MALRD1: variants seen among roughly 807,000 people sequenced by gnomAD.
The protein encoded by MALRD1 is MAM and LDL receptor class A domain containing 1, also known as MAM and LDL-receptor class A domain-containing protein 1.
A neutral mutation model predicts 242.1 loss-of-function variants in MALRD1; 247 were observed. That is an observed-to-expected ratio of 1.02 (90% CI 0.92 to 1.13). The LOEUF (loss-of-function observed/expected upper bound fraction) is 1.13, where lower values mean the gene tolerates loss of function less well. Among genes scored for constraint, MALRD1 ranks in the 50% most tolerant of loss-of-function variants. The probability of loss-of-function intolerance (pLI) is 0.00; values close to 1 mark genes in which losing one functional copy is unlikely to be tolerated. For synonymous variants in MALRD1, 995 were observed against 866.6 expected, an observed-to-expected ratio of 1.15 and a Z score of -2.60; for missense variants, 2,989 against 2,533.1, an observed-to-expected ratio of 1.18 and a Z score of -3.86.
At chr10:19,115,262 G>C (rs185623837) in intron 5 of MALRD1, among the ~76,000 whole-genome samples, 1 of 152,034 alleles carries the variant, frequency 6.6e-6, no homozygotes, top group South Asian at 2.1e-4. Context: ...CCTGACTGAC[G>C]CTGGGACTTT....
chr10:19,120,082 C>T (rs867689379), intron 5 of MALRD1, among the ~76,000 whole-genome samples: 7 of 151,972 alleles, frequency 4.6e-5, no homozygotes, highest in South Asian at 2.1e-4. Flanking sequence ...GAGTCACCAG[C>T]ATTTAGGAAA....
intron 33 of MALRD1, among the ~76,000 whole-genome samples, chr10:19,580,604 A>C (rs1321389166): frequency 6.6e-6 from 1 of 152,154 alleles, no homozygotes; most frequent in East Asian, 1.9e-4. Context: ...CAAATCACGT[A>C]TACATACATA....
At chr10:19,582,504 G>C (rs11010561) in intron 33 of MALRD1, among the ~76,000 whole-genome samples, 22,653 of 110,106 alleles carry the variant, frequency 0.21, 2,464 homozygotes, top group Non-Finnish European at 0.28. Flanking sequence ...GCTTGTTTTT[G>C]TCAGGTTTGT....
chr10:19,335,388 C>G (rs1406244075), intron 24 of MALRD1, among the ~76,000 whole-genome samples: 1 of 151,890 alleles, frequency 6.6e-6, no homozygotes, highest in Non-Finnish European at 1.5e-5. Context: ...CATAGCATTG[C>G]TAATTTTTTT....
At chr10:19,562,297 G>GTAGATAGACAGATAGATAGA (rs1554800905) in intron 32 of MALRD1, among the ~76,000 whole-genome samples, 1 of 144,650 alleles carries the variant, frequency 6.9e-6, no homozygotes, top group African/African-American at 2.6e-5. Context: ...GCTGTCTTAG[G>GTAGATAGACAGATAGATAGA]TAGATAGATA....
At chr10:19,315,647 TATAA>T (rs1842666170) in intron 21 of MALRD1, among the ~76,000 whole-genome samples, 1 of 126,096 alleles carries the variant, frequency 7.9e-6, no homozygotes, top group Non-Finnish European at 1.6e-5. Context: ...TATATAAATA[TATAA>T]ATATTATTTA....
intron 26 of MALRD1, among the ~76,000 whole-genome samples, chr10:19,370,364 C>A (rs1459110737): frequency 6.6e-6 from 1 of 152,028 alleles, no homozygotes; most frequent in Non-Finnish European, 1.5e-5. Context: ...CATGATATAT[C>A]TCTTCAATTG....
At chr10:19,302,714 A>G (rs1168907268) in intron 21 of MALRD1, among the ~76,000 whole-genome samples, 4 of 151,744 alleles carry the variant, frequency 2.6e-5, no homozygotes, top group Non-Finnish European at 4.4e-5. Flanking sequence ...AAAATTCTCT[A>G]CGTTGTATAC....
chr10:19,413,941 ACTCTGT>A (rs2130893294), intron 28 of MALRD1, among the ~76,000 whole-genome samples: 1 of 148,164 alleles, frequency 6.7e-6, no homozygotes, highest in East Asian at 2.0e-4. Flanking sequence ...ACAGAGTGAG[ACTCTGT>A]CTCAAAAAAA....
chr10:19,725,279 A>G (rs1415588854), intron 38 of MALRD1, among the ~76,000 whole-genome samples: 2 of 152,170 alleles, frequency 1.3e-5, no homozygotes, highest in Non-Finnish European at 2.9e-5. Flanking sequence ...GGTTACCCTC[A>G]TGCTGCTATT....
chr10:19,171,938 T>C lies in MALRD1; in HGVS notation c.1831-3270T>C, dbSNP rs182468687. Among the ~76,000 whole-genome samples, 689 of 132,914 alleles carry C rather than the reference T, an allele frequency of 5.2e-3. 12 individuals are homozygous for C. Among genetic ancestry groups the C allele is most frequent in the African/African-American group, 0.018 (659 of 36,240 alleles). The allele number at this position is 132,914 out of a possible 152,430, so 87.2% of individuals were successfully genotyped here. A position where few individuals can be genotyped will look rare whatever the true frequency, so the allele number is the denominator to read the frequency against. On this transcript the variant is annotated intron_variant, in intron 13 of 39. Coordinates refer to ENST00000454679, the MANE Select transcript of MALRD1 (RefSeq NM_001142308.3). The stretch of plus-strand genomic sequence containing the variant: ...GATATATACATATATGTGATATATA[T>C]ATCATATAATATATGTATATATCAC...
intron 28 of MALRD1, among the ~76,000 whole-genome samples, chr10:19,431,861 A>C (rs1471907832): frequency 6.6e-6 from 1 of 152,222 alleles, no homozygotes; most frequent in Non-Finnish European, 1.5e-5. Flanking sequence ...CACGGGACAG[A>C]TACAATCATT....
intron 28 of MALRD1, among the ~76,000 whole-genome samples, chr10:19,449,063 G>C (rs906560575): frequency 2.2e-4 from 34 of 152,298 alleles, no homozygotes; most frequent in African/African-American, 7.9e-4. Flanking sequence ...TCTGGAACTA[G>C]AAACCCAAGG....
At position 19,283,170 on chromosome 10, in the gene MALRD1, G is replaced by GGATC; in HGVS notation, c.3409_3412dup (p.His1138ArgfsTer8). 2 of 1,545,822 alleles carry GGATC rather than the reference G, an allele frequency of 1.3e-6. No homozygotes were observed. Among genetic ancestry groups the GGATC allele is most frequent in the Non-Finnish European group, 1.7e-6 (2 of 1,144,340 alleles). On this transcript the variant is annotated frameshift_variant, in exon 21 of 40. Coordinates refer to ENST00000454679, the MANE Select transcript of MALRD1 (RefSeq NM_001142308.3). LOFTEE classifies it high-confidence loss of function. The stretch of plus-strand genomic sequence containing the variant: ...GGGAAGAAAACCACAGGCCATCAGT[G>GGATC]GATCATACACAGTAAGTGACCATGT...
At chr10:19,183,608 T>C (rs1281874772) in intron 14 of MALRD1, among the ~76,000 whole-genome samples, 1 of 152,200 alleles carries the variant, frequency 6.6e-6, no homozygotes, top group Non-Finnish European at 1.5e-5. Context: ...TACATGAGAC[T>C]GATTATGGCC....
At chr10:19,077,595 T>C (rs894511218) in intron 2 of MALRD1, among the ~76,000 whole-genome samples, 1 of 151,996 alleles carries the variant, frequency 6.6e-6, no homozygotes, top group Admixed American at 6.6e-5. Context: ...CAAGATGATA[T>C]GGATACTTTC....
intron 36 of MALRD1, among the ~76,000 whole-genome samples, chr10:19,627,689 G>A (rs903269847): frequency 1.3e-5 from 2 of 150,930 alleles, no homozygotes; most frequent in African/African-American, 4.9e-5. Context: ...TGAACACGGT[G>A]GGCAGAGGTT....
At chr10:19,386,416 G>A (rs1287211096) in intron 26 of MALRD1, among the ~76,000 whole-genome samples, 6 of 148,022 alleles carry the variant, frequency 4.1e-5, no homozygotes, top group African/African-American at 4.9e-5. Flanking sequence ...GAGAAGACAA[G>A]AAAAAAAAAA....
intron 38 of MALRD1, among the ~76,000 whole-genome samples, chr10:19,714,021 G>C (rs1249861655): frequency 6.6e-6 from 1 of 152,156 alleles, no homozygotes; most frequent in Non-Finnish European, 1.5e-5. Context: ...GCAGTGTCTA[G>C]GGTTGAGTTT....
Sources: allele counts gnomAD v4.1 joint callset (sites outside exome capture counted in the v4.1 genomes callset), GRCh38; gene constraint gnomAD v4.1.1; transcripts MANE v1.5; gene names NCBI Gene and HGNC (gene_info 2026-07-23, HGNC 2026-07-21).